The following SYNE3 variants were observed in gnomAD, a reference collection of about 807,000 sequenced individuals.
The protein encoded by SYNE3 is spectrin repeat containing nuclear envelope family member 3.
In SYNE3, 100 loss-of-function variants were observed where a neutral mutation model predicts 111.2. That is an observed-to-expected ratio of 0.90 (90% CI 0.77 to 1.06). The LOEUF is 1.06. Among genes scored for constraint, SYNE3 ranks in the 50% least tolerant of loss-of-function variants. The pLI, the probability that SYNE3 is intolerant of heterozygous loss-of-function variation, is 0.00. For synonymous variants in SYNE3, 547 were observed against 533.9 expected, an observed-to-expected ratio of 1.02 and a Z score of -0.34; for missense variants, 1,160 against 1,240.3, an observed-to-expected ratio of 0.94 and a Z score of 0.97.
At chr14:95,466,262 G>T in intron 3 of SYNE3, 22 bp from the exon 4 acceptor site, 2 of 1,537,112 alleles carry the variant, frequency 1.3e-6, no homozygotes, top group Non-Finnish European at 1.8e-6. Flanking sequence ...GAGACCTCAA[G>T]GTTGTGAGGG....
chr14:95,514,091 A>G (rs1451007998), intron 1 of SYNE3, among the ~76,000 whole-genome samples: 2 of 152,094 alleles, frequency 1.3e-5, no homozygotes, highest in Non-Finnish European at 2.9e-5. Flanking sequence ...GTCCCTCTGT[A>G]GGCTTCTCTA....
At chr14:95,467,762 G>A in intron 3 of SYNE3, 33 bp downstream of exon 3, 6 of 1,612,724 alleles carry the variant, frequency 3.7e-6, no homozygotes, top group Non-Finnish European at 5.1e-6. Flanking sequence ...GAGGGTAAAT[G>A]GCAGCTGTGG....
intron 16 of SYNE3, among the ~76,000 whole-genome samples, chr14:95,433,053 C>A (rs1885880893): frequency 6.6e-6 from 1 of 152,146 alleles, no homozygotes; most frequent in Non-Finnish European, 1.5e-5. Flanking sequence ...ACTTCAGCCT[C>A]ATGAGGTGGT....
intron 7 of SYNE3, 174 bp from the exon 8 acceptor site, chr14:95,450,279 A>C (rs1886993654): frequency 1.3e-6 from 1 of 762,554 alleles, no homozygotes. Context: ...TGTAGCTGGA[A>C]GGGACTTTGA....
chr14:95,432,449 G>T (rs1416716210), intron 16 of SYNE3, among the ~76,000 whole-genome samples: 1 of 152,078 alleles, frequency 6.6e-6, no homozygotes, highest in Non-Finnish European at 1.5e-5. Context: ...TTGGGGCTGG[G>T]GTCTGAGGCT....
intron 1 of SYNE3, among the ~76,000 whole-genome samples, chr14:95,479,256 G>T (rs970471033): frequency 1.4e-5 from 2 of 139,818 alleles, no homozygotes; most frequent in South Asian, 2.3e-4. Flanking sequence ...AAAAAAATTA[G>T]CCAGGTGGAA....
At position 95,450,044 on chromosome 14, in the gene SYNE3, G is replaced by A. The variant is rs1886971597; in HGVS notation, c.1336C>T (p.Gln446Ter). The A allele has an allele frequency of 6.4e-7, 1 of 1,565,288 alleles. No individual in the cohort carries two copies. The highest frequency in any genetic ancestry group is 8.7e-7 in the Non-Finnish European group (1 of 1,155,020). The change falls in exon 8 of 18, where the codon CAG becomes TAG. Residue 446 changes from glutamine to a stop codon, truncating the protein, a stop_gained. Coordinates refer to ENST00000682763, the MANE Select transcript of SYNE3 (RefSeq NM_152592.6). LOFTEE classifies it high-confidence loss of function. ...AAAVELWQHFQRPLQDLQLWK... is the reference protein window; with the variant it reads ...AAAVELWQHF ...AGCTGCAGATCCTGCAGAGGCCGCT[G>A]GAAATGCTGCCACAGCTCCACCGCC...
intron 17 of SYNE3, among the ~76,000 whole-genome samples, chr14:95,424,729 G>C (rs766302581): frequency 6.6e-6 from 1 of 152,132 alleles, no homozygotes; most frequent in Non-Finnish European, 1.5e-5. Context: ...CAAACCAAGG[G>C]ATATTCCACA....
rs1410547095 is a variant in SYNE3 at position 95,407,622 on chromosome 14, A to C, written c.*10204T>G. ...GTTTTACCATCACAAATAATATGAC[A>C]AGAGTAGATATGGTCCCTCTGCGTA... is the stretch of plus-strand genomic sequence containing the variant. On this transcript the variant is annotated 3_prime_UTR_variant, in exon 18 of 18. Coordinates refer to ENST00000682763, the MANE Select transcript of SYNE3 (RefSeq NM_152592.6). 1 of 152,224 alleles carries C rather than the reference A, an allele frequency of 6.6e-6. No individual in the cohort carries two copies. The highest frequency in any genetic ancestry group is 2.4e-5 in the African/African-American group (1 of 41,450). The allele number at this position is 152,224 out of a possible 1,614,324, so 9.4% of individuals were successfully genotyped here. A position where few individuals can be genotyped will look rare whatever the true frequency, so the allele number is the denominator to read the frequency against.
chr14:95,440,878 TA>T (rs1886380110), intron 11 of SYNE3, among the ~76,000 whole-genome samples: 2 of 152,274 alleles, frequency 1.3e-5, no homozygotes, highest in South Asian at 2.1e-4. Context: ...ATTTAATTTT[TA>T]AAAAAAGTAA....
At chr14:95,459,514 G>C (rs998373761) in intron 4 of SYNE3, among the ~76,000 whole-genome samples, 1 of 152,214 alleles carries the variant, frequency 6.6e-6, no homozygotes, top group African/African-American at 2.4e-5. Flanking sequence ...ACCATAGCTG[G>C]CTGACCTCAG....
intron 2 of SYNE3, among the ~76,000 whole-genome samples, chr14:95,473,811 A>G (rs57207159): frequency 4.8e-3 from 241 of 50,064 alleles, no homozygotes; most frequent in Middle Eastern, 9.6e-3. Context: ...AGTGGCTGGA[A>G]CTAAGGCTGG....
chr14:95,432,918 T>C (rs1485276988), intron 16 of SYNE3, among the ~76,000 whole-genome samples: 2 of 152,092 alleles, frequency 1.3e-5, no homozygotes, highest in Non-Finnish European at 2.9e-5. Context: ...AGTCTGGAGA[T>C]ACAATGACTT....
At chr14:95,452,902 G>T (rs547634648) in intron 6 of SYNE3, among the ~76,000 whole-genome samples, 1 of 152,102 alleles carries the variant, frequency 6.6e-6, no homozygotes, top group Non-Finnish European at 1.5e-5. Context: ...TATTATTCTC[G>T]GCAGGCCTAG....
At chr14:95,476,210 T>C (rs1260026116) in intron 1 of SYNE3, among the ~76,000 whole-genome samples, 1 of 152,234 alleles carries the variant, frequency 6.6e-6, no homozygotes, top group African/African-American at 2.4e-5. Context: ...GGACCCATAA[T>C]GATCTTGATT....
Position 95,452,242 on chromosome 14 carries a change from G to A in SYNE3, c.1274+5C>T. The A allele has an allele frequency of 2.5e-6, 4 of 1,588,950 alleles. No individual in the cohort carries two copies. The highest frequency in any genetic ancestry group is 3.4e-6 in the Non-Finnish European group (4 of 1,161,754). On this transcript the variant is annotated splice_donor_5th_base_variant and intron_variant, in intron 7 of 17. Transcript: ENST00000682763. The stretch of plus-strand genomic sequence containing the variant: ...AGTCCCACCACCCTTGGCCTTCCCA[G>A]ATACCTCTGATACTCCTGGATGGTA...
intron 6 of SYNE3, among the ~76,000 whole-genome samples, chr14:95,452,931 A>G (rs956467113): frequency 2.6e-5 from 4 of 152,204 alleles, no homozygotes; most frequent in Non-Finnish European, 5.9e-5. Context: ...TGCATGGACT[A>G]TTCCTAAGCT....
At chr14:95,501,984 T>G (rs146606982) in intron 1 of SYNE3, among the ~76,000 whole-genome samples, 84 of 152,100 alleles carry the variant, frequency 5.5e-4, no homozygotes, top group African/African-American at 1.7e-3. Context: ...GAAGGGGCAA[T>G]CTAGTCTGAG....
intron 4 of SYNE3, among the ~76,000 whole-genome samples, chr14:95,460,860 A>T (rs1025493778): frequency 6.6e-6 from 1 of 152,242 alleles, no homozygotes; most frequent in African/African-American, 2.4e-5. Flanking sequence ...TGATAGATGC[A>T]GCCGGGAGTG....
Sources: gnomAD v4.1 joint callset for allele counts (sites outside exome capture counted in the v4.1 genomes callset) on GRCh38, gnomAD v4.1.1 for gene constraint, MANE v1.5 for transcripts, NCBI Gene and HGNC (gene_info 2026-07-23, HGNC 2026-07-21) for gene names.